Variants in ALDH5A1 observed in about 807,000 individuals in gnomAD.
ALDH5A1 encodes succinate-semialdehyde dehydrogenase, mitochondrial.
Under a neutral mutation model 54.7 loss-of-function variants are expected in ALDH5A1, and 33 were observed. The observed-to-expected ratio is 0.60, with a 90% CI of 0.46 to 0.81. The LOEUF (loss-of-function observed/expected upper bound fraction) is 0.81. ALDH5A1 is among the 30% of genes least tolerant of loss of function. The probability of loss-of-function intolerance (pLI) is 0.00; values close to 1 mark genes in which losing one functional copy is unlikely to be tolerated. For missense variants in ALDH5A1, 657 were observed against 711.0 expected, an observed-to-expected ratio of 0.92 and a Z score of 0.86; for synonymous variants, 294 against 292.7, an observed-to-expected ratio of 1.00 and a Z score of -0.05.
rs764634146 is a variant in ALDH5A1 at position 24,520,441 on chromosome 6, C to T, written c.911C>T (p.Ser304Phe). ...HHAANSVKRV[S>F]MELGGLAPFI... ...GCAGCAAACTCTGTGAAAAGGGTCT[C>T]TATGGAGCTGGGCGGCCTTGCTCCA... The change falls in exon 6 of 10, where the codon TCT becomes TTT. Residue 304 changes from serine to phenylalanine, a missense_variant. Around this residue, in one of 2 missense-constraint regions of ALDH5A1, gnomAD observed 425 missense variants for 516.4 expected, o/e 0.82. Transcript: ENST00000357578. The T allele has an allele frequency of 6.2e-7, 1 of 1,614,210 alleles. No homozygotes were observed.
chr6:24,513,949 A>G (rs1463400836), intron 4 of ALDH5A1, among the ~76,000 whole-genome samples: 1 of 152,204 alleles, frequency 6.6e-6, no homozygotes, highest in Non-Finnish European at 1.5e-5. Flanking sequence ...TGTCTTGTGA[A>G]TGTCTCTGAG....
chr6:24,508,466 AGTATTCCATC>A (rs1759403911), intron 4 of ALDH5A1, among the ~76,000 whole-genome samples: 1 of 151,074 alleles, frequency 6.6e-6, no homozygotes, highest in African/African-American at 2.4e-5. Flanking sequence ...ATGGCTGAGT[AGTATTCCATC>A]CTATGTATAA....
At chr6:24,497,748 G>A (rs986306115) in intron 1 of ALDH5A1, among the ~76,000 whole-genome samples, 2 of 152,214 alleles carry the variant, frequency 1.3e-5, no homozygotes, top group African/African-American at 4.8e-5. Flanking sequence ...AGGGAGAAGG[G>A]GAAGAGTGGG....
At chr6:24,526,972 GTGTA>G (rs1207687070) in intron 7 of ALDH5A1, among the ~76,000 whole-genome samples, 15 of 8,358 alleles carry the variant, frequency 1.8e-3, no homozygotes, top group Non-Finnish European at 3.8e-3. Flanking sequence ...ATATGTGTGT[GTGTA>G]TATATATATA....
chr6:24,530,234 C>G (rs1283049293), intron 8 of ALDH5A1, among the ~76,000 whole-genome samples: 1 of 152,126 alleles, frequency 6.6e-6, no homozygotes, highest in Non-Finnish European at 1.5e-5. Context: ...GCTTCCATCC[C>G]ACCCACCAAG....
At chr6:24,529,259 T>C (rs970252631) in intron 8 of ALDH5A1, among the ~76,000 whole-genome samples, 8 of 151,644 alleles carry the variant, frequency 5.3e-5, no homozygotes, top group African/African-American at 1.7e-4. Flanking sequence ...CTCCACCTCC[T>C]GGGTTCAAGC....
At chr6:24,499,976 C>CTGTGTGTGTGTGTG (rs111245798) in intron 1 of ALDH5A1, among the ~76,000 whole-genome samples, 3 of 151,332 alleles carry the variant, frequency 2.0e-5, no homozygotes, top group Admixed American at 6.6e-5. Flanking sequence ...CAGATAATTT[C>CTGTGTGTGTGTGTG]TGTGTGTGTG....
At position 24,495,370 on chromosome 6, in the gene ALDH5A1, G is replaced by A. The variant is rs1384030702; in HGVS notation, c.354+20G>A. On this transcript the variant is annotated intron_variant, in intron 1 of 9. Coordinates refer to ENST00000357578, the MANE Select transcript of ALDH5A1 (RefSeq NM_001080.3). ...GCCAAGGTGAGAGAGCCCGGATGCA[G>A]GGGGCCAGAGCTGGCCGGGGACACG... The A allele has an allele frequency of 6.5e-7, 1 of 1,530,824 alleles. No homozygotes were observed. Among genetic ancestry groups the A allele is most frequent in the East Asian group, 2.5e-5 (1 of 40,718 alleles). The allele number at this position is 1,530,824 out of a possible 1,614,324, so 94.8% of individuals were successfully genotyped here.
At chr6:24,506,365 G>A (rs1383509553) in intron 4 of ALDH5A1, among the ~76,000 whole-genome samples, 1 of 140,508 alleles carries the variant, frequency 7.1e-6, no homozygotes, top group Non-Finnish European at 1.5e-5. Context: ...GCAATTTTCT[G>A]CCTCAGCCTC....
Position 24,495,227 on chromosome 6 carries a change from C to G in ALDH5A1, c.231C>G (p.Pro77=), listed in dbSNP as rs1160948222. The G allele has an allele frequency of 4.6e-6, 7 of 1,514,018 alleles. No homozygotes were observed. Among genetic ancestry groups the G allele is most frequent in the Non-Finnish European group, 4.4e-6 (5 of 1,138,842 alleles). The allele number at this position is 1,514,018 out of a possible 1,614,324, so 93.8% of individuals were successfully genotyped here. A position where few individuals can be genotyped will look rare whatever the true frequency, so the allele number is the denominator to read the frequency against. ...GGCTCCCGGCCGCCGCCACCTTCCC[C>G]GTGCAAGACCCGGCCAGCGGCGCCG... The part of the protein sequence containing the change: ...GRWLPAAATF[P]VQDPASGAAL... Residue 77 remains proline, a synonymous_variant, in exon 1 of 10, where the codon CCC becomes CCG. Coordinates refer to ENST00000357578, the MANE Select transcript of ALDH5A1 (RefSeq NM_001080.3).
At chr6:24,533,218 G>A (rs1759968930) in intron 9 of ALDH5A1, among the ~76,000 whole-genome samples, 1 of 152,158 alleles carries the variant, frequency 6.6e-6, no homozygotes, top group African/African-American at 2.4e-5. Flanking sequence ...AAAGGCTTGG[G>A]CAAAAATGTC....
chr6:24,532,981 T>A (rs931117024), intron 9 of ALDH5A1, among the ~76,000 whole-genome samples: 7 of 152,102 alleles, frequency 4.6e-5, no homozygotes, highest in Non-Finnish European at 1.0e-4. Flanking sequence ...AGAATTCTGG[T>A]TGTGCAGAAG....
chr6:24,507,315 C>T (rs1395101728), intron 4 of ALDH5A1, among the ~76,000 whole-genome samples: 2 of 35,790 alleles, frequency 5.6e-5, no homozygotes, highest in African/African-American at 1.8e-4. Context: ...ATCCTTGGCT[C>T]ACATTTTTTT....
chr6:24,532,661 A>C, intron 9 of ALDH5A1, among the ~76,000 whole-genome samples: 1 of 152,176 alleles, frequency 6.6e-6, no homozygotes. Context: ...CCAGGTGGTC[A>C]CTGCATGTAC....
At chr6:24,523,259 A>G (rs1456590717) in intron 7 of ALDH5A1, among the ~76,000 whole-genome samples, 1 of 152,106 alleles carries the variant, frequency 6.6e-6, no homozygotes, top group African/African-American at 2.4e-5. Context: ...CTATACATGG[A>G]ATCGAATGGA....
chr6:24,530,042 CTTTCA>C (rs1402321198), intron 8 of ALDH5A1, among the ~76,000 whole-genome samples: 1 of 152,072 alleles, frequency 6.6e-6, no homozygotes, highest in Non-Finnish European at 1.5e-5. Flanking sequence ...ATTCTTCTTC[CTTTCA>C]TTTATGCTTT....
At chr6:24,528,966 C>G (rs1280302752) in intron 8 of ALDH5A1, among the ~76,000 whole-genome samples, 1 of 151,918 alleles carries the variant, frequency 6.6e-6, no homozygotes, top group Non-Finnish European at 1.5e-5. Flanking sequence ...CATGAACCAC[C>G]GTGCTCAGAC....
At chr6:24,526,974 G>C (rs1192365357) in intron 7 of ALDH5A1, among the ~76,000 whole-genome samples, 1,832 of 30,258 alleles carry the variant, frequency 0.061, 64 homozygotes, top group African/African-American at 0.12. Context: ...ATGTGTGTGT[G>C]TATATATATA....
In ALDH5A1 at chr6:24,527,086, AAAGGGTGAG is replaced by A. The variant is rs535359761; in HGVS notation, c.1174-908_1174-900del. 6.8e-4 allele frequency among the ~76,000 whole-genome samples: 102 copies of A among 149,932 alleles called. 2 individuals are homozygous for A. The East Asian group carries it at 0.018, about 27-fold the overall frequency. On this transcript the variant is annotated intron_variant, in intron 7 of 9. Transcript: ENST00000357578. ...GAGAGGAAAAAGCTATCAAGAAGAA[AAAGGGTGAG>A]AACCATTTTTGGCTCAAACTTCCTC...
Sources: gnomAD v4.1 joint callset for allele counts (sites outside exome capture counted in the v4.1 genomes callset) on GRCh38, gnomAD v4.1.1 for gene constraint, gnomAD v4.1.1 regional missense constraint, MANE v1.5 for transcripts, NCBI Gene and HGNC (gene_info 2026-07-23, HGNC 2026-07-21) for gene names.